Variants in SLC8A1 observed in about 807,000 individuals in gnomAD.
The protein encoded by SLC8A1 is solute carrier family 8 member A1.
Under a neutral mutation model 68.3 loss-of-function variants are expected in SLC8A1, and 18 were observed. The observed-to-expected ratio is 0.26, with a 90% CI of 0.18 to 0.39. The LOEUF is 0.39. Among genes scored for constraint, SLC8A1 ranks in the 10% least tolerant of loss-of-function variants. The probability of loss-of-function intolerance (pLI) is 1.00; values close to 1 mark genes in which losing one functional copy is unlikely to be tolerated. For synonymous variants in SLC8A1, 475 were observed against 415.5 expected (o/e 1.14, Z -1.74); for missense variants, 985 against 1,156.7 (o/e 0.85, Z 2.15).
At chr2:40,371,962 C>T (rs144102545) in intron 2 of SLC8A1, among the ~76,000 whole-genome samples, 17 of 152,232 alleles carry the variant, frequency 1.1e-4, no homozygotes, top group Non-Finnish European at 2.4e-4. Flanking sequence ...TGGGATGTAA[C>T]ATCCTACCCA....
At chr2:40,359,374 A>G (rs1275209585) in intron 2 of SLC8A1, among the ~76,000 whole-genome samples, 2 of 152,164 alleles carry the variant, frequency 1.3e-5, no homozygotes, top group African/African-American at 2.4e-5. Flanking sequence ...TACATGACTC[A>G]TATTTTTCTT....
intron 2 of SLC8A1, among the ~76,000 whole-genome samples, chr2:40,341,361 A>C (rs1667635646): frequency 6.6e-6 from 1 of 152,216 alleles, no homozygotes; most frequent in Admixed American, 6.5e-5. Flanking sequence ...CTGTCTTCTA[A>C]CTTGGCCCTG....
intron 1 of SLC8A1, among the ~76,000 whole-genome samples, chr2:40,498,091 T>C (rs1705826680): frequency 6.6e-6 from 1 of 151,820 alleles, no homozygotes; most frequent in Admixed American, 6.6e-5. Context: ...GATTTTCAGT[T>C]TACAGTTAAC....
At chr2:40,325,138 CT>C (rs2075663374) in intron 2 of SLC8A1, among the ~76,000 whole-genome samples, 1 of 152,086 alleles carries the variant, frequency 6.6e-6, no homozygotes, top group Non-Finnish European at 1.5e-5. Context: ...CAATTAATTC[CT>C]TATAGGGAAA....
At chr2:40,170,187 A>G (rs1010921707) in intron 4 of SLC8A1, 94 bp downstream of exon 7, 72 of 1,083,286 alleles carry the variant, frequency 6.6e-5, no homozygotes, top group Middle Eastern at 2.1e-4. Context: ...AATGTTTTAC[A>G]GAGGAGAGGG....
At chr2:40,474,435 T>C (rs1704164569) in intron 1 of SLC8A1, among the ~76,000 whole-genome samples, 1 of 152,202 alleles carries the variant, frequency 6.6e-6, no homozygotes, top group South Asian at 2.1e-4. Flanking sequence ...AGATTAACTT[T>C]ACCATTCAAT....
intron 2 of SLC8A1, 84 bp downstream of exon 3, chr2:40,178,303 G>T (rs1375713551): frequency 2.0e-6 from 2 of 994,298 alleles, no homozygotes; most frequent in Non-Finnish European, 3.2e-6. Context: ...TGCATTGTAA[G>T]TCATGTTCTG....
At chr2:40,111,168 A>T (rs2034533302) in exon 8 of SLC8A1, 1 of 152,238 alleles carries the variant, frequency 6.6e-6, no homozygotes, top group African/African-American at 2.4e-5. Flanking sequence ...GCAAAATTTT[A>T]TAAAACACTC....
chr2:40,459,182 C>G (rs1402330655), intron 1 of SLC8A1, among the ~76,000 whole-genome samples: 2 of 152,078 alleles, frequency 1.3e-5, no homozygotes, highest in Non-Finnish European at 2.9e-5. Flanking sequence ...CAAATTAACA[C>G]ATTGTAGGGT....
exon 8 of SLC8A1, chr2:40,108,210 G>GTTAA (rs1193554648): frequency 6.6e-6 from 1 of 152,112 alleles, no homozygotes. Flanking sequence ...AATTATTGAA[G>GTTAA]GTAATTTTAA....
At chr2:40,497,820 G>A (rs1225572886) in intron 1 of SLC8A1, among the ~76,000 whole-genome samples, 2 of 152,006 alleles carry the variant, frequency 1.3e-5, no homozygotes, top group Admixed American at 1.3e-4. Context: ...AGAGTTATAG[G>A]GATTTATTGA....
In SLC8A1 at chr2:40,414,210, G is replaced by T. The variant is rs115792913; in HGVS notation, c.1808+14263C>A. 2.7e-3 allele frequency among the ~76,000 whole-genome samples: 411 copies of T among 152,270 alleles called. 1 individual carries two copies. Among genetic ancestry groups the T allele is most frequent in the African/African-American group, 9.6e-3 (401 of 41,560 alleles). On this transcript the variant is annotated intron_variant, in intron 2 of 7. Transcript: ENST00000406785. ...TTATTTGCTGTCTCTCATTTTCAGT[G>T]TTGATTTTGTTGGAAAACAGTATCT...
intron 2 of SLC8A1, chr2:40,255,010 A>G (rs973154961): frequency 6.6e-6 from 1 of 150,386 alleles, no homozygotes; most frequent in Non-Finnish European, 1.5e-5. Flanking sequence ...CTATTTCTTC[A>G]TTTCTTCCTT....
chr2:40,180,356 A>G (rs748966200), intron 2 of SLC8A1, among the ~76,000 whole-genome samples: 23 of 152,254 alleles, frequency 1.5e-4, no homozygotes, highest in Non-Finnish European at 4.4e-5. Context: ...TGATTATTTG[A>G]TAATTAGAAC....
At chr2:40,243,251 G>A (rs2061432495) in intron 2 of SLC8A1, among the ~76,000 whole-genome samples, 1 of 152,194 alleles carries the variant, frequency 6.6e-6, no homozygotes, top group Non-Finnish European at 1.5e-5. Context: ...GGAGGCCAAA[G>A]TGGGTGGATT....
At chr2:40,128,606 G>A (rs936862029) in intron 7 of SLC8A1, among the ~76,000 whole-genome samples, 1 of 152,118 alleles carries the variant, frequency 6.6e-6, no homozygotes, top group African/African-American at 2.4e-5. Context: ...TTAAACATCA[G>A]GTACTGCCCT....
intron 2 of SLC8A1, among the ~76,000 whole-genome samples, chr2:40,201,410 C>T (rs1247214268): frequency 6.6e-6 from 1 of 151,902 alleles, no homozygotes; most frequent in Non-Finnish European, 1.5e-5. Context: ...TTGTCTATTA[C>T]TCCAAACCAG....
chr2:40,198,097 T>G (rs533792497), intron 2 of SLC8A1, among the ~76,000 whole-genome samples: 207 of 152,110 alleles, frequency 1.4e-3, no homozygotes, highest in Non-Finnish European at 2.4e-3. Flanking sequence ...TAGAAGGACT[T>G]GCCAACTCTG....
intron 6 of SLC8A1, among the ~76,000 whole-genome samples, chr2:40,155,105 C>G (rs1454386821): frequency 2.0e-5 from 3 of 151,728 alleles, no homozygotes; most frequent in Non-Finnish European, 2.9e-5. Context: ...GAGGCTATGT[C>G]AAATCTGACA....
Sources: gnomAD v4.1 joint callset for allele counts (sites outside exome capture counted in the v4.1 genomes callset) on GRCh38, gnomAD v4.1.1 for gene constraint, MANE v1.5 for transcripts, NCBI Gene and HGNC (gene_info 2026-07-23, HGNC 2026-07-21) for gene names.